ABCC2: variants seen among roughly 807,000 people sequenced by gnomAD.
The protein encoded by ABCC2 is ATP binding cassette subfamily C member 2.
Under a neutral mutation model 173.4 loss-of-function variants are expected in ABCC2, and 157 were observed. The ratio of observed to expected loss-of-function variants is 0.91; its 90% CI spans 0.80 to 1.03. The LOEUF (loss-of-function observed/expected upper bound fraction) is 1.03, where lower values mean the gene tolerates loss of function less well. Among genes scored for constraint, ABCC2 ranks in the 50% least tolerant of loss-of-function variants. The pLI is 0.00. For missense variants in ABCC2, 1,822 were observed against 1,852.3 expected, an observed-to-expected ratio of 0.98 and a Z score of 0.30; for synonymous variants, 657 against 693.5, an observed-to-expected ratio of 0.95 and a Z score of 0.83.
intron 9 of ABCC2, among the ~76,000 whole-genome samples, chr10:99,803,110 A>C (rs950386180): frequency 6.6e-6 from 1 of 152,134 alleles, no homozygotes; most frequent in Non-Finnish European, 1.5e-5. Context: ...CTGGGATTAC[A>C]GGTTCCTGCC....
In ABCC2 at chr10:99,851,643, A is replaced by G. The variant is rs757599334; in HGVS notation, c.*12A>G. ...GCACAAAATTCTAGCAGAAGGCCCCATGGGTTAGAAAAGGACTATAAGAAT... is the reference window on the plus strand; with the variant it reads ...GCACAAAATTCTAGCAGAAGGCCCCGTGGGTTAGAAAAGGACTATAAGAAT... On this transcript the variant is annotated 3_prime_UTR_variant, in exon 32 of 32. Coordinates refer to ENST00000647814, the MANE Select transcript of ABCC2 (RefSeq NM_000392.5). The G allele has an allele frequency of 1.9e-6, 3 of 1,613,288 alleles. No individual in the cohort carries two copies. Among genetic ancestry groups the G allele is most frequent in the Non-Finnish European group, 2.5e-6 (3 of 1,179,252 alleles).
intron 16 of ABCC2, among the ~76,000 whole-genome samples, chr10:99,815,699 T>G (rs1210937789): frequency 6.6e-6 from 1 of 152,200 alleles, no homozygotes; most frequent in Non-Finnish European, 1.5e-5. Context: ...GGTTTCTTTT[T>G]AAGTATGAGA....
At chr10:99,790,356 C>A (rs2037791963) in intron 2 of ABCC2, among the ~76,000 whole-genome samples, 2 of 151,688 alleles carry the variant, frequency 1.3e-5, no homozygotes, top group Non-Finnish European at 2.9e-5. Flanking sequence ...TTTTTAAATC[C>A]ATTTAATTTA....
chr10:99,845,098 T>C (rs2038998667), intron 28 of ABCC2, among the ~76,000 whole-genome samples: 1 of 152,134 alleles, frequency 6.6e-6, no homozygotes, highest in Non-Finnish European at 1.5e-5. Context: ...GGCACAATCT[T>C]GGCTCACTGC....
In ABCC2 at chr10:99,830,710, T is replaced by G. The variant is rs1343924243; in HGVS notation, c.2748-6T>G. 1.2e-6 allele frequency: 2 copies of G among 1,614,010 alleles called. No individual in the cohort carries two copies. The highest frequency in any genetic ancestry group is 2.7e-5 in the African/African-American group (2 of 74,910). ...CTGCATGCTCAGGGAAGCTTCCCTC[T>G]CTCAGTTCTAGGTCCAATGGCAGGC... On this transcript the variant is annotated splice_polypyrimidine_tract_variant and splice_region_variant and intron_variant, in intron 20 of 31. Transcript: ENST00000647814.
intron 27 of ABCC2, 86 bp from the exon 28 acceptor site, chr10:99,844,236 C>A: frequency 6.5e-7 from 1 of 1,541,316 alleles, no homozygotes; most frequent in Admixed American, 1.7e-5. Flanking sequence ...CTACCCTTCT[C>A]CTGTTCTATG....
At chr10:99,786,436 C>A (rs1169496794) in intron 2 of ABCC2, among the ~76,000 whole-genome samples, 1 of 152,190 alleles carries the variant, frequency 6.6e-6, no homozygotes, top group South Asian at 2.1e-4. Context: ...TGGGAGGCTT[C>A]TTCTACTTTC....
intron 31 of ABCC2, 77 bp from the exon 32 acceptor site, chr10:99,851,425 G>T (rs1236315804): frequency 6.4e-7 from 1 of 1,568,232 alleles, no homozygotes; most frequent in Admixed American, 1.7e-5. Flanking sequence ...CCACAACTTA[G>T]TCCTGGTTAT....
chr10:99,825,549 C>G (rs1446480919), intron 19 of ABCC2, among the ~76,000 whole-genome samples: 1 of 152,236 alleles, frequency 6.6e-6, no homozygotes, highest in East Asian at 1.9e-4. Context: ...CTATTTCCAC[C>G]CTTAATATAT....
rs1260200833 is a variant in ABCC2, at chr10:99,818,962, G to A, written c.2439+5G>A. On this transcript the variant is annotated splice_donor_5th_base_variant and intron_variant, in intron 18 of 31. Transcript: ENST00000647814. ...AATGGCCTGTTGAAAGGCAAGGTGA[G>A]AAATCATTGAACATGATGAAGATAT... 1.3e-6 allele frequency: 2 copies of A among 1,527,530 alleles called. No individual in the cohort carries two copies. The highest frequency in any genetic ancestry group is 5.2e-5 in the East Asian group (2 of 38,452). 94.6% of individuals were successfully genotyped at this position (1,527,530 alleles called of 1,614,324 possible). A position where few individuals can be genotyped will look rare whatever the true frequency, so the allele number is the denominator to read the frequency against.
Position 99,807,512 on chromosome 10 carries a change from T to C in ABCC2, c.1659T>C (p.Thr553=), listed in dbSNP as rs757185905. ...TAGTAATATTCGTCTTCCAGTTAAC[T>C]CCAGTCCTGGTGAGTAGCAGAGGGG... The part of the protein sequence containing the change: ...QCVVIFVFQL[T]PVLVSVVTFS... Residue 553 remains threonine (T), a synonymous_variant, in exon 12 of 32, where the codon ACT becomes ACC. Transcript: ENST00000647814. 8.7e-6 allele frequency: 14 copies of C among 1,614,136 alleles called. No individual in the cohort carries two copies. Among genetic ancestry groups the C allele is most frequent in the Middle Eastern group, 1.7e-4 (1 of 6,060 alleles).
chr10:99,817,596 A>G lies in ABCC2; in HGVS notation c.2271+112A>G, dbSNP rs1405348230. ...ATCTAGTTGATTAATTTAGGTAGTC[A>G]TATTTGGAATAAACACCAGAAATCA... On this transcript the variant is annotated intron_variant, in intron 17 of 31. Coordinates refer to ENST00000647814, the MANE Select transcript of ABCC2 (RefSeq NM_000392.5). 4.3e-6 allele frequency: 5 copies of G among 1,158,510 alleles called. No homozygotes were observed. In the Admixed American group the frequency reaches 9.6e-5, roughly 22 times the overall value. 71.8% of individuals were successfully genotyped at this position (1,158,510 alleles called of 1,614,324 possible). A position where few individuals can be genotyped will look rare whatever the true frequency, so the allele number is the denominator to read the frequency against.
At chr10:99,833,825 C>A (rs2038777206) in intron 23 of ABCC2, among the ~76,000 whole-genome samples, 1 of 152,212 alleles carries the variant, frequency 6.6e-6, no homozygotes, top group Non-Finnish European at 1.5e-5. Flanking sequence ...TAGGCAAGGG[C>A]AACCCAAAAT....
intron 19 of ABCC2, among the ~76,000 whole-genome samples, chr10:99,827,703 AG>A (rs1208315249): frequency 6.6e-6 from 1 of 151,606 alleles, no homozygotes; most frequent in African/African-American, 2.4e-5. Context: ...TATTTGAAAT[AG>A]CTTGATTAGA....
At chr10:99,791,389 C>G (rs1214605314) in intron 2 of ABCC2, among the ~76,000 whole-genome samples, 1 of 152,202 alleles carries the variant, frequency 6.6e-6, no homozygotes, top group Admixed American at 6.5e-5. Context: ...GCCTGGGCAA[C>G]AGAGTGAGAC....
chr10:99,817,568 G>A, intron 17 of ABCC2, 84 bp downstream of exon 17: 1 of 1,439,368 alleles, frequency 6.9e-7, no homozygotes, highest in Admixed American at 1.7e-5. Context: ...CTACACAGGG[G>A]TAATCTAGTT....
chr10:99,811,153 A>T (rs932100950), intron 14 of ABCC2, among the ~76,000 whole-genome samples: 1 of 151,854 alleles, frequency 6.6e-6, no homozygotes, highest in Non-Finnish European at 1.5e-5. Context: ...TGACATGGTG[A>T]AACCCTGTCT....
chr10:99,789,656 A>G (rs935606369), intron 2 of ABCC2, among the ~76,000 whole-genome samples: 2 of 145,488 alleles, frequency 1.4e-5, no homozygotes, highest in Non-Finnish European at 3.0e-5. Context: ...CGGAGGTTGC[A>G]GTGAGATAGC....
chr10:99,823,380 G>A (rs1051659238), intron 19 of ABCC2, among the ~76,000 whole-genome samples: 2 of 152,116 alleles, frequency 1.3e-5, no homozygotes, highest in Non-Finnish European at 2.9e-5. Flanking sequence ...AATATAAAAT[G>A]GGAAATTTCT....
Sources: gnomAD v4.1 joint callset for allele counts (sites outside exome capture counted in the v4.1 genomes callset) on GRCh38, gnomAD v4.1.1 for gene constraint, MANE v1.5 for transcripts, NCBI Gene and HGNC (gene_info 2026-07-23, HGNC 2026-07-21) for gene names.